The following ATP13A1 variants were observed in gnomAD, a reference collection of about 807,000 sequenced individuals.
The protein encoded by ATP13A1 is ATPase 13A1.
In ATP13A1, 55 loss-of-function variants were observed where a neutral mutation model predicts 134.8. The ratio of observed to expected loss-of-function variants is 0.41; its 90% confidence interval spans 0.33 to 0.51. ATP13A1 has a LOEUF of 0.51. Ranked by LOEUF, ATP13A1 falls within the 20% of genes least tolerant of loss-of-function variation. ATP13A1 has a pLI of 0.29. For missense variants in ATP13A1, 1,389 were observed against 1,652.8 expected (o/e 0.84, Z 2.77); for synonymous variants, 775 against 725.1 (o/e 1.07, Z -1.10).
chr19:19,653,883 G>C lies in ATP13A1; in HGVS notation c.2001C>G (p.Cys667Trp). ...TGTGGATGTGGTGGTAGTCGGGCGG[G>C]CACTGGGAGAACTGCAGGGAATGCA... ...PETLHSMFSQ[C>W]PPDYHHIHTE... The change falls in exon 15 of 26, where the codon TGC (cysteine) becomes TGG (tryptophan). Residue 667 changes from cysteine to tryptophan, a missense_variant. Physicochemically the swap from Cys to Trp is radical, Grantham distance 215 (BLOSUM62 -2). Transcript: ENST00000357324. The surrounding 1 kb of genome is among the most constrained non-coding windows in gnomAD (Gnocchi z 4.2). 6.4e-7 allele frequency: 1 copy of C among 1,567,266 alleles called. No individual in the cohort carries two copies. The highest frequency in any genetic ancestry group is 8.6e-7 in the Non-Finnish European group (1 of 1,156,880).
In ATP13A1 at chr19:19,656,218, C is replaced by T. The variant is rs2062056884; in HGVS notation, c.1084-35G>A. On this transcript the variant is annotated intron_variant, in intron 7 of 25. Transcript: ENST00000357324. The surrounding 1 kb of genome is among the most constrained non-coding windows in gnomAD (Gnocchi z 4.6). ...AAGATCGTGAATCTGGATGGCCAGG[C>T]CTACCTTGCTTCCTTCTCCATCTGA... The T allele has an allele frequency of 1.3e-6, 2 of 1,570,282 alleles. No individual in the cohort carries two copies. The highest frequency in any genetic ancestry group is 1.7e-6 in the Non-Finnish European group (2 of 1,156,534).
At position 19,663,627 on chromosome 19, in the gene ATP13A1, C is replaced by G; in HGVS notation, c.40G>C (p.Gly14Arg). 7.5e-7 allele frequency: 1 copy of G among 1,341,554 alleles called. No individual in the cohort carries two copies. The highest frequency in any genetic ancestry group is 9.5e-7 in the Non-Finnish European group (1 of 1,051,158). 83.1% of individuals were successfully genotyped at this position (1,341,554 alleles called of 1,614,324 possible). Residue 14 changes from glycine (G) to arginine (R), a missense_variant, in exon 1 of 26, where the codon GGG becomes CGG. Gly to Arg is a moderately radical substitution (Grantham distance 125). Around this residue, in one of 4 missense-constraint regions of ATP13A1, gnomAD observed 293 missense variants for 270.8 expected, o/e 1.08. Coordinates refer to ENST00000357324, the MANE Select transcript of ATP13A1 (RefSeq NM_020410.3). ...GGCCGGACCCCGCAAGGCCGGGCCC[C>G]GCAGGGCACCGCGTTGCCCACCGCC... ...AAAVGNAVPC[G>R]ARPCGVRPDG...
chr19:19,658,439 G>A (rs977854543), intron 3 of ATP13A1, among the ~76,000 whole-genome samples: 1 of 152,148 alleles, frequency 6.6e-6, no homozygotes, highest in Non-Finnish European at 1.5e-5. Context: ...GTTGCCACAG[G>A]CCATTAATGT....
Position 19,646,521 on chromosome 19 carries a change from C to T in ATP13A1, c.3106-174G>A, listed in dbSNP as rs2061987142. On this transcript the variant is annotated intron_variant, in intron 22 of 25. Coordinates refer to ENST00000357324, the MANE Select transcript of ATP13A1 (RefSeq NM_020410.3). ...TCCCTGGATCCCTGCCTGCCTCTCA[C>T]CCCTGAGCCCAGGGCTGCCTCCCTG... 5 of 789,112 alleles carry T rather than the reference C, an allele frequency of 6.3e-6. No homozygotes were observed. The South Asian group carries it at 7.1e-5, about 11-fold the overall frequency. 48.9% of individuals were successfully genotyped at this position (789,112 alleles called of 1,614,324 possible).
In ATP13A1 at chr19:19,656,650, C is replaced by T. The variant is rs911827947; in HGVS notation, c.1083+10G>A. The T allele has an allele frequency of 3.1e-6, 5 of 1,611,964 alleles. No individual in the cohort carries two copies. In the African/African-American group the frequency reaches 6.7e-5, roughly 21 times the overall value. On this transcript the variant is annotated intron_variant, in intron 7 of 25. Coordinates refer to ENST00000357324, the MANE Select transcript of ATP13A1 (RefSeq NM_020410.3). This position sits in a 1 kb window ranked among gnomAD's most constrained non-coding sequence, Gnocchi z 4.6. The stretch of plus-strand genomic sequence containing the variant: ...GAACAGCTTGAGGATCCCCATCCTC[C>T]ACCAAGTACCTTCATCTGTGGCACG...
At position 19,655,795 on chromosome 19, in the gene ATP13A1, C is replaced by T. The variant is rs1736120209; in HGVS notation, c.1269+83G>A. On this transcript the variant is annotated intron_variant, in intron 9 of 25. Transcript: ENST00000357324. The surrounding 1 kb of genome is among the most constrained non-coding windows in gnomAD (Gnocchi z 5.7). ...GTGCTGCCAGAGTCAGCCCGTGGGG[C>T]AGATGTTCTGGGGTCGGAAAGGGCT... 2.0e-6 allele frequency: 3 copies of T among 1,536,298 alleles called. No individual in the cohort carries two copies. The highest frequency in any genetic ancestry group is 8.8e-7 in the Non-Finnish European group (1 of 1,142,812).
At chr19:19,649,378 C>T (rs567690210) in intron 19 of ATP13A1, among the ~76,000 whole-genome samples, 189 bp downstream of exon 19, 1 of 152,206 alleles carries the variant, frequency 6.6e-6, no homozygotes, top group Admixed American at 6.5e-5. Flanking sequence ...TGGCCTCCGC[C>T]CTGCTCTGTT....
At chr19:19,654,753 T>C in intron 12 of ATP13A1, 53 bp from the exon 13 acceptor site, 1 of 1,556,270 alleles carries the variant, frequency 6.4e-7, no homozygotes, top group Non-Finnish European at 8.7e-7. Flanking sequence ...AGGGCGAAGC[T>C]GCATCCCCAC....
In ATP13A1 at chr19:19,660,095, G is replaced by A; in HGVS notation, c.397-108C>T. The A allele has an allele frequency of 7.9e-6, 7 of 884,274 alleles. No individual in the cohort carries two copies. The South Asian group carries it at 9.4e-5, about 12-fold the overall frequency. 54.8% of individuals were successfully genotyped at this position (884,274 alleles called of 1,614,324 possible). Reference sequence around the variant, plus strand: ...CAGCTCTATGGGTATATTCTGAAATGCCACTGGGCTCTGGTGCTGCCTCTG... The same window carrying A: ...CAGCTCTATGGGTATATTCTGAAATACCACTGGGCTCTGGTGCTGCCTCTG... On this transcript the variant is annotated intron_variant, in intron 1 of 25. Coordinates refer to ENST00000357324, the MANE Select transcript of ATP13A1 (RefSeq NM_020410.3).
rs1263858167 is a variant in ATP13A1 at position 19,654,532 on chromosome 19, C to T, written c.1813+11G>A. 2 of 1,595,460 alleles carry T rather than the reference C, an allele frequency of 1.3e-6. No homozygotes were observed. Among genetic ancestry groups the T allele is most frequent in the Non-Finnish European group, 1.7e-6 (2 of 1,171,420 alleles). ...CTCCCCCTTGCTGGGCCTGAGGCCC[C>T]AGCCCCTCACCTTTGGTCAGCGTCC... On this transcript the variant is annotated intron_variant, in intron 13 of 25. Transcript: ENST00000357324.
At chr19:19,652,136 G>A (rs966154505) in intron 16 of ATP13A1, among the ~76,000 whole-genome samples, 12 of 152,108 alleles carry the variant, frequency 7.9e-5, no homozygotes, top group African/African-American at 2.9e-4. Flanking sequence ...TCTGGGCTTG[G>A]TGGGGACTAA....
chr19:19,658,148 C>T (rs1299209136), intron 3 of ATP13A1, among the ~76,000 whole-genome samples: 1 of 83,052 alleles, frequency 1.2e-5, no homozygotes, highest in East Asian at 3.4e-4. Context: ...GACCCTGTCT[C>T]CAAAAAAAAA....
At chr19:19,648,776 T>C (rs2062003811) in intron 19 of ATP13A1, among the ~76,000 whole-genome samples, 1 of 122,966 alleles carries the variant, frequency 8.1e-6, no homozygotes, top group Non-Finnish European at 1.6e-5. Flanking sequence ...GCTATTGCAC[T>C]CCAGCCTGGG....
chr19:19,657,293 C>A, intron 4 of ATP13A1, 43 bp downstream of exon 4: 1 of 1,545,222 alleles, frequency 6.5e-7, no homozygotes. Context: ...TAGGAAAGCC[C>A]CAAGGGAGGA....
chr19:19,662,863 CCTTA>C (rs1317399173), intron 1 of ATP13A1, among the ~76,000 whole-genome samples: 1 of 152,134 alleles, frequency 6.6e-6, no homozygotes, highest in Non-Finnish European at 1.5e-5. Context: ...AGTGATCTCG[CCTTA>C]CACTTTGAAA....
chr19:19,650,008 C>T (rs1405438616), intron 17 of ATP13A1, 68 bp from the exon 18 acceptor site: 3 of 1,406,578 alleles, frequency 2.1e-6, no homozygotes, highest in African/African-American at 2.8e-5. Context: ...CCTCCCTCCA[C>T]TCGGACCCCA....
chr19:19,654,480 C>T, intron 13 of ATP13A1, 63 bp downstream of exon 13: 1 of 1,518,830 alleles, frequency 6.6e-7, no homozygotes, highest in Non-Finnish European at 8.8e-7. Context: ...GTGCAGCCCA[C>T]CTGCCTAGGG....
chr19:19,652,643 C>T lies in ATP13A1; in HGVS notation c.2178G>A (p.Lys726=), dbSNP rs1458447465. Residue 726 remains lysine, a synonymous_variant, in exon 16 of 26, where the codon AAG becomes AAA. Coordinates refer to ENST00000357324, the MANE Select transcript of ATP13A1 (RefSeq NM_020410.3). The part of the protein sequence containing the change: ...VGFIVVSCPL[K]ADSKAVIREI... ...CCCGGATCACGGCCTTGGAGTCAGC[C>T]TTGAGCGGGCAGGAGACCACAATGA... The T allele has an allele frequency of 3.7e-6, 6 of 1,608,668 alleles. No homozygotes were observed. In the Admixed American group the frequency reaches 1.0e-4, roughly 27 times the overall value.
In ATP13A1 at chr19:19,647,072, C is replaced by G; in HGVS notation, c.3105+57G>C. ...GGGATGACAATTCCCGTGCCTATAT[C>G]AGCCTGGCCCTGGCAGGCCCATGCA... On this transcript the variant is annotated intron_variant, in intron 22 of 25. Coordinates refer to ENST00000357324, the MANE Select transcript of ATP13A1 (RefSeq NM_020410.3). This position sits in a 1 kb window ranked among gnomAD's most constrained non-coding sequence, Gnocchi z 4.8. The G allele has an allele frequency of 2.0e-6, 3 of 1,530,640 alleles. No homozygotes were observed. The highest frequency in any genetic ancestry group is 2.7e-6 in the Non-Finnish European group (3 of 1,131,974). 94.8% of individuals were successfully genotyped at this position (1,530,640 alleles called of 1,614,324 possible).
Sources: allele counts gnomAD v4.1 joint callset (sites outside exome capture counted in the v4.1 genomes callset), GRCh38; gene constraint gnomAD v4.1.1; regional missense constraint gnomAD v4.1.1; non-coding constraint Gnocchi (gnomAD v3.1); transcripts MANE v1.5; gene names NCBI Gene and HGNC (gene_info 2026-07-23, HGNC 2026-07-21).